RAP1GAP2: variants seen among roughly 807,000 people sequenced by gnomAD.
RAP1GAP2 encodes rap1 GTPase-activating protein 2.
A neutral mutation model predicts 95.0 loss-of-function variants in RAP1GAP2; 27 were observed. The ratio of observed to expected loss-of-function variants is 0.28; its 90% confidence interval spans 0.21 to 0.39. RAP1GAP2 has a LOEUF of 0.39. Ranked by LOEUF, RAP1GAP2 falls within the 10% of genes least tolerant of loss-of-function variation. RAP1GAP2 has a pLI of 1.00. For missense variants in RAP1GAP2, 771 were observed against 970.0 expected, an observed-to-expected ratio of 0.79 and a Z score of 2.72; for synonymous variants, 373 against 380.9, an observed-to-expected ratio of 0.98 and a Z score of 0.24.
rs775306748 is a variant in RAP1GAP2, at chr17:2,848,160, C to T, written c.80+47610C>T. Among the ~76,000 whole-genome samples, 9 of 152,104 alleles carry T rather than the reference C, an allele frequency of 5.9e-5. 1 individual carries two copies. The highest frequency in any genetic ancestry group is 2.1e-4 in the South Asian group (1 of 4,824). Reference sequence around the variant, plus strand: ...TCTGGGTACCAGAGCGCAGGGTGCCCGCCACTGAGTGGGATCTGTGGGTTT... The same window carrying T: ...TCTGGGTACCAGAGCGCAGGGTGCCTGCCACTGAGTGGGATCTGTGGGTTT... On this transcript the variant is annotated intron_variant, in intron 2 of 24. Coordinates refer to ENST00000254695, the MANE Select transcript of RAP1GAP2 (RefSeq NM_015085.5).
At chr17:3,032,116 G>A (rs578222635) in intron 23 of RAP1GAP2, among the ~76,000 whole-genome samples, 1 of 144,424 alleles carries the variant, frequency 6.9e-6, no homozygotes, top group South Asian at 2.3e-4. Flanking sequence ...TGTGAGGTGG[G>A]AAGGGCTGGT....
In RAP1GAP2 at chr17:2,855,951, A is replaced by G. The variant is rs1417692567; in HGVS notation, c.81-49333A>G. 6.6e-6 allele frequency among the ~76,000 whole-genome samples: 1 copy of G among 152,198 alleles called. No homozygotes were observed. Among genetic ancestry groups the G allele is most frequent in the Admixed American group, 6.5e-5 (1 of 15,270 alleles). ...TTTAATAGAAATAGTAGTAATAATA[A>G]TACAAGTGTTAACAAATATAGTGGA... On this transcript the variant is annotated intron_variant, in intron 2 of 24. Transcript: ENST00000254695. The surrounding 1 kb of genome is among the most constrained non-coding windows in gnomAD (Gnocchi z 4.3).
intron 2 of RAP1GAP2, among the ~76,000 whole-genome samples, chr17:2,815,127 T>C (rs1008238518): frequency 4.6e-5 from 7 of 152,152 alleles, no homozygotes; most frequent in South Asian, 2.1e-4. Flanking sequence ...TTCTGCCTCA[T>C]CAGCCTGGGT....
intron 23 of RAP1GAP2, among the ~76,000 whole-genome samples, 167 bp from the exon 24 acceptor site, chr17:3,032,244 A>G (rs889838961): frequency 6.6e-6 from 1 of 151,244 alleles, no homozygotes; most frequent in Non-Finnish European, 1.5e-5. Context: ...TCGCCAGACT[A>G]TCGAGAACTC....
chr17:2,948,109 G>T (rs969695129), intron 3 of RAP1GAP2, among the ~76,000 whole-genome samples: 1 of 152,220 alleles, frequency 6.6e-6, no homozygotes, highest in Non-Finnish European at 1.5e-5. Context: ...TGTGTGCCAG[G>T]CTCTGTACAC....
chr17:2,930,636 C>T (rs570129550), intron 3 of RAP1GAP2, among the ~76,000 whole-genome samples: 7 of 152,334 alleles, frequency 4.6e-5, no homozygotes, highest in Non-Finnish European at 1.0e-4. Context: ...AGGCATCGCT[C>T]TCTTTTGGTA....
intron 2 of RAP1GAP2, among the ~76,000 whole-genome samples, chr17:2,853,770 C>A (rs1254486320): frequency 1.4e-5 from 2 of 147,062 alleles, no homozygotes; most frequent in Non-Finnish European, 3.0e-5. Context: ...GCCGGGGGAG[C>A]GGACGGCGGC....
chr17:2,918,353 A>G (rs1352863593), intron 3 of RAP1GAP2, among the ~76,000 whole-genome samples: 1 of 150,636 alleles, frequency 6.6e-6, no homozygotes, highest in East Asian at 2.0e-4. Context: ...GAATCACTTG[A>G]ACCTGGGAGG....
At chr17:2,839,366 CAG>C (rs1237706817) in intron 2 of RAP1GAP2, among the ~76,000 whole-genome samples, 1 of 151,604 alleles carries the variant, frequency 6.6e-6, no homozygotes, top group African/African-American at 2.4e-5. Flanking sequence ...ATTAAGAGTA[CAG>C]AGAGTCCCCA....
intron 2 of RAP1GAP2, among the ~76,000 whole-genome samples, chr17:2,811,290 C>T (rs897636685): frequency 1.3e-5 from 2 of 152,218 alleles, no homozygotes; most frequent in African/African-American, 4.8e-5. Flanking sequence ...ATGGGCCTCA[C>T]CCTCCTTATT....
chr17:2,878,692 G>A (rs2073177493), intron 2 of RAP1GAP2, among the ~76,000 whole-genome samples: 1 of 152,226 alleles, frequency 6.6e-6, no homozygotes. Context: ...GTGGGCCCAT[G>A]AGGGAAGCCA....
chr17:2,843,137 A>G (rs980073797), intron 2 of RAP1GAP2, among the ~76,000 whole-genome samples: 3 of 152,052 alleles, frequency 2.0e-5, no homozygotes, highest in Non-Finnish European at 4.4e-5. Flanking sequence ...CCAAAACCTC[A>G]ACCTGGAATA....
intron 2 of RAP1GAP2, among the ~76,000 whole-genome samples, chr17:2,830,947 CCCTT>C (rs2070805317): frequency 8.6e-6 from 1 of 115,916 alleles, no homozygotes; most frequent in Non-Finnish European, 1.8e-5. Flanking sequence ...CCCCTTCCCT[CCCTT>C]CCCCTCCCCT....
intron 1 of RAP1GAP2, among the ~76,000 whole-genome samples, chr17:2,780,270 C>T (rs940526603): frequency 3.9e-5 from 6 of 152,176 alleles, no homozygotes; most frequent in African/African-American, 1.2e-4. Flanking sequence ...AGGCTGGTCT[C>T]GAACTCCTGA....
chr17:2,900,295 G>A (rs2041983510), intron 2 of RAP1GAP2, among the ~76,000 whole-genome samples: 1 of 152,076 alleles, frequency 6.6e-6, no homozygotes, highest in Admixed American at 6.6e-5. Flanking sequence ...GTTTTCCAAG[G>A]CATTTAAACG....
intron 2 of RAP1GAP2, among the ~76,000 whole-genome samples, chr17:2,807,778 G>A (rs2069582291): frequency 6.6e-6 from 1 of 152,170 alleles, no homozygotes; most frequent in African/African-American, 2.4e-5. Context: ...GGGTAGGTGA[G>A]CTATGCTGGA....
chr17:2,993,061 A>AAC (rs1440840832), intron 12 of RAP1GAP2, among the ~76,000 whole-genome samples: 2 of 149,074 alleles, frequency 1.3e-5, no homozygotes, highest in Non-Finnish European at 3.0e-5. Context: ...ATACAAAAAA[A>AAC]AAAAAAAAAA....
chr17:2,864,542 C>T (rs540679444), intron 2 of RAP1GAP2, among the ~76,000 whole-genome samples: 72 of 152,360 alleles, frequency 4.7e-4, no homozygotes, highest in African/African-American at 1.5e-3. Context: ...AGCCCACCTA[C>T]ACCTGGCCAC....
Position 2,871,415 on chromosome 17 carries a change from T to C in RAP1GAP2, c.81-33869T>C, listed in dbSNP as rs984327780. On this transcript the variant is annotated intron_variant, in intron 2 of 24. Coordinates refer to ENST00000254695, the MANE Select transcript of RAP1GAP2 (RefSeq NM_015085.5). The surrounding 1 kb of genome is among the most constrained non-coding windows in gnomAD (Gnocchi z 5.0). ...CAGGGGTGGGAGCGGGGAGCCATGA[T>C]TGGCCCAGGGAGAGTCAGGGGCGCA... Among the ~76,000 whole-genome samples the C allele has an allele frequency of 1.3e-5, 2 of 152,136 alleles. No individual in the cohort carries two copies. Among genetic ancestry groups the C allele is most frequent in the Admixed American group, 6.5e-5 (1 of 15,276 alleles).
Sources: gnomAD v4.1 joint callset for allele counts (sites outside exome capture counted in the v4.1 genomes callset) on GRCh38, gnomAD v4.1.1 for gene constraint, Gnocchi (gnomAD v3.1) non-coding constraint, MANE v1.5 for transcripts, NCBI Gene and HGNC (gene_info 2026-07-23, HGNC 2026-07-21) for gene names.